The following TMC1 variants were observed in gnomAD, a reference collection of about 807,000 sequenced individuals.
TMC1 encodes transmembrane channel-like protein 1.
In TMC1, 84 loss-of-function variants were observed where a neutral mutation model predicts 105.8. That is an observed-to-expected ratio of 0.79 (90% CI 0.67 to 0.95). The LOEUF (loss-of-function observed/expected upper bound fraction) is 0.95. Ranked by LOEUF, TMC1 falls within the 40% of genes least tolerant of loss-of-function variation. The probability of loss-of-function intolerance (pLI) is 0.00; values close to 1 mark genes in which losing one functional copy is unlikely to be tolerated. For synonymous variants in TMC1, 315 were observed against 311.5 expected (o/e 1.01, Z -0.12); for missense variants, 817 against 914.1 (o/e 0.89, Z 1.37).
At chr9:72,808,790 T>G (rs1348555988) in intron 18 of TMC1, 1 of 152,270 alleles carries the variant, frequency 6.6e-6, no homozygotes, top group African/African-American at 2.4e-5. Flanking sequence ...ATATCCTTTA[T>G]AGCTGATCTT....
At chr9:72,685,686 A>C (rs1826369683) in intron 5 of TMC1, among the ~76,000 whole-genome samples, 1 of 152,150 alleles carries the variant, frequency 6.6e-6, no homozygotes, top group Non-Finnish European at 1.5e-5. Context: ...CTTTTGCATC[A>C]AATAGTAAGA....
intron 13 of TMC1, among the ~76,000 whole-genome samples, chr9:72,772,977 A>G (rs1827954450): frequency 6.6e-6 from 1 of 152,178 alleles, no homozygotes; most frequent in African/African-American, 2.4e-5. Context: ...TAAAAAAACC[A>G]GAATAATCAC....
At position 72,772,529 on chromosome 9, in the gene TMC1, A is replaced by G; in HGVS notation, c.858A>G (p.Gly286=). The part of the protein sequence containing the change: ...SYFLVGIMCI[G]YSFLVVLKAM... ...TTCTAGTGGGGATTATGTGCATTGGATACAGCTTTCTGGTTGTCCTCAAAG... is the reference window on the plus strand; with the variant it reads ...TTCTAGTGGGGATTATGTGCATTGGGTACAGCTTTCTGGTTGTCCTCAAAG... Residue 286 remains glycine (G), a synonymous_variant, in exon 13 of 24, where the codon GGA becomes GGG. Transcript: ENST00000297784. The G allele has an allele frequency of 1.9e-6, 3 of 1,613,872 alleles. No homozygotes were observed. The highest frequency in any genetic ancestry group is 1.7e-6 in the Non-Finnish European group (2 of 1,179,808).
At chr9:72,705,022 C>T (rs1826712320) in intron 8 of TMC1, among the ~76,000 whole-genome samples, 1 of 152,070 alleles carries the variant, frequency 6.6e-6, no homozygotes, top group Non-Finnish European at 1.5e-5. Context: ...TTTTATTAAT[C>T]ACATCATTTA....
In TMC1 at chr9:72,816,223, T is replaced by C. The variant is rs1192634556; in HGVS notation, c.1763+13T>C. On this transcript the variant is annotated intron_variant, in intron 19 of 23. Coordinates refer to ENST00000297784, the MANE Select transcript of TMC1 (RefSeq NM_138691.3). ...AAGGCATGATCTGGTAGGCCAGCTGTTGGACAGCTTATCACTTACAGAAAA... is the reference window on the plus strand; with the variant it reads ...AAGGCATGATCTGGTAGGCCAGCTGCTGGACAGCTTATCACTTACAGAAAA... The C allele has an allele frequency of 6.2e-7, 1 of 1,612,590 alleles. No homozygotes were observed. Among genetic ancestry groups the C allele is most frequent in the Non-Finnish European group, 8.5e-7 (1 of 1,178,628 alleles).
rs181650791 is a variant in TMC1, at chr9:72,641,365, T to G, written c.-52-7232T>G. Among the ~76,000 whole-genome samples, 153 of 152,314 alleles carry G rather than the reference T, an allele frequency of 1.0e-3. 2 individuals are homozygous for G. Among genetic ancestry groups the G allele is most frequent in the Non-Finnish European group, 1.2e-3 (83 of 68,030 alleles). ...GCCTTGGCCTCCCAAAATGCTGGGA[T>G]AGCAGGCGTGAGCCACTACGCCCAG... On this transcript the variant is annotated intron_variant, in intron 4 of 23. Transcript: ENST00000297784.
intron 3 of TMC1, among the ~76,000 whole-genome samples, chr9:72,617,906 GTGGT>G (rs1394281205): frequency 7.2e-5 from 9 of 124,542 alleles, no homozygotes; most frequent in South Asian, 5.3e-4. Flanking sequence ...AAGTCTATGT[GTGGT>G]GTGTGTGTGT....
chr9:72,623,444 C>A (rs1825292354), intron 3 of TMC1, among the ~76,000 whole-genome samples: 2 of 151,994 alleles, frequency 1.3e-5, no homozygotes, highest in Non-Finnish European at 2.9e-5. Flanking sequence ...TCAAAGTAAT[C>A]CTTTGGTAAT....
intron 18 of TMC1, among the ~76,000 whole-genome samples, chr9:72,813,426 T>A (rs1245511137): frequency 6.6e-6 from 1 of 152,174 alleles, no homozygotes. Flanking sequence ...TCTAAGGTGT[T>A]TACAGAGAAG....
At chr9:72,731,089 C>T (rs1827205776) in intron 8 of TMC1, among the ~76,000 whole-genome samples, 1 of 152,242 alleles carries the variant, frequency 6.6e-6, no homozygotes, top group South Asian at 2.1e-4. Flanking sequence ...AAATTCACAT[C>T]TATGCCAGGT....
intron 2 of TMC1, among the ~76,000 whole-genome samples, chr9:72,598,011 A>T (rs568771087): frequency 1.3e-5 from 2 of 152,284 alleles, no homozygotes; most frequent in South Asian, 4.1e-4. Context: ...TTTATGTGTA[A>T]CAGTCTTCAC....
At chr9:72,691,516 C>T (rs759849770) in intron 6 of TMC1, among the ~76,000 whole-genome samples, 12 of 152,210 alleles carry the variant, frequency 7.9e-5, no homozygotes, top group Non-Finnish European at 1.2e-4. Context: ...GCCTCTCAAA[C>T]ATTTCCTGTG....
intron 9 of TMC1, among the ~76,000 whole-genome samples, chr9:72,741,830 A>G (rs1469422022): frequency 5.9e-5 from 9 of 152,220 alleles, no homozygotes; most frequent in Admixed American, 6.5e-5. Context: ...GGAGTTAAAT[A>G]GAAAGAAGGC....
At chr9:72,743,147 C>A (rs1323717265) in intron 10 of TMC1, among the ~76,000 whole-genome samples, 1 of 151,766 alleles carries the variant, frequency 6.6e-6, no homozygotes, top group Non-Finnish European at 1.5e-5. Context: ...GCGGGCGGAT[C>A]ACGAGGTCAG....
chr9:72,619,535 A>G (rs1206233212), intron 3 of TMC1, among the ~76,000 whole-genome samples: 4 of 152,272 alleles, frequency 2.6e-5, no homozygotes, highest in South Asian at 4.1e-4. Context: ...AATAGTTGCT[A>G]TATCTGTGTG....
In TMC1 at chr9:72,739,023, A is replaced by AC. The variant is rs1293165740; in HGVS notation, c.363-1096_363-1095insC. On this transcript the variant is annotated intron_variant, in intron 8 of 23. Coordinates refer to ENST00000297784, the MANE Select transcript of TMC1 (RefSeq NM_138691.3). ...AATTGTTTTTCAAACAAACAACAAA[A>AC]ATGACTGTCCCAGTCAGTTCAAGCT... 9.4e-4 allele frequency among the ~76,000 whole-genome samples: 143 copies of AC among 152,322 alleles called. 1 individual carries two copies. Among genetic ancestry groups the AC allele is most frequent in the African/African-American group, 3.2e-3 (135 of 41,576 alleles).
intron 18 of TMC1, among the ~76,000 whole-genome samples, chr9:72,813,989 C>A (rs944489691): frequency 2.6e-5 from 4 of 152,064 alleles, no homozygotes; most frequent in Non-Finnish European, 5.9e-5. Flanking sequence ...AAGCTAGGGA[C>A]CCTAGGGTGT....
At chr9:72,713,442 A>G (rs1433948575) in intron 8 of TMC1, among the ~76,000 whole-genome samples, 1 of 152,152 alleles carries the variant, frequency 6.6e-6, no homozygotes, top group African/African-American at 2.4e-5. Flanking sequence ...TGCTGCCTCA[A>G]TTTCAGAACT....
chr9:72,781,296 A>G (rs1828090057), intron 13 of TMC1, among the ~76,000 whole-genome samples: 1 of 152,170 alleles, frequency 6.6e-6, no homozygotes, highest in African/African-American at 2.4e-5. Context: ...ACATACCAGA[A>G]TCTTTGGGAC....
Sources: allele counts gnomAD v4.1 joint callset (sites outside exome capture counted in the v4.1 genomes callset), GRCh38; gene constraint gnomAD v4.1.1; transcripts MANE v1.5; gene names NCBI Gene and HGNC (gene_info 2026-07-23, HGNC 2026-07-21).